The following GEMIN6 variants were observed in gnomAD, a reference collection of about 807,000 sequenced individuals.
GEMIN6 encodes the protein gem nuclear organelle associated protein 6, also known as gem-associated protein 6.
Under a neutral mutation model 14.1 loss-of-function variants are expected in GEMIN6, and 13 were observed. That is an observed-to-expected ratio of 0.92 (90% CI 0.60 to 1.46). The LOEUF (loss-of-function observed/expected upper bound fraction) is 1.46. GEMIN6 is among the 40% of genes most tolerant of loss of function. The pLI, the probability that GEMIN6 is intolerant of heterozygous loss-of-function variation, is 0.00. For synonymous variants in GEMIN6, 87 were observed against 70.0 expected (o/e 1.24, Z -1.21); for missense variants, 271 against 202.4 (o/e 1.34, Z -2.06).
At chr2:38,781,063 G>A (rs1474390209) in intron 2 of GEMIN6, among the ~76,000 whole-genome samples, 1 of 146,450 alleles carries the variant, frequency 6.8e-6, no homozygotes, top group African/African-American at 2.5e-5. Flanking sequence ...CTGCCTCCCA[G>A]GTTCAAGCAA....
In GEMIN6 at chr2:38,784,057, GA is replaced by G. The variant is rs1332753156; in HGVS notation, c.*2168del. On this transcript the variant is annotated 3_prime_UTR_variant, in exon 3 of 3. Transcript: ENST00000281950. ...GCAGTTCAGAAACTTCAGGGGAACA[GA>G]AAGTTCCTCCCTCACGGCTTCAAAG... The G allele has an allele frequency of 5.9e-5, 9 of 152,216 alleles. No homozygotes were observed. Among genetic ancestry groups the G allele is most frequent in the African/African-American group, 1.4e-4 (6 of 41,456 alleles). The allele number at this position is 152,216 out of a possible 1,614,324, so 9.4% of individuals were successfully genotyped here.
rs915877695 is a variant in GEMIN6 at position 38,784,366 on chromosome 2, CCT to C, written c.*2475_*2476del. 3.3e-5 allele frequency: 5 copies of C among 151,812 alleles called. No homozygotes were observed. The highest frequency in any genetic ancestry group is 1.2e-4 in the African/African-American group (5 of 41,276). 9.4% of individuals were successfully genotyped at this position (151,812 alleles called of 1,614,324 possible). ...ACCAACCTGGGCAACATGGTGAAAC[CCT>C]GTCTCTACTAAAAAAAAAAAAAATA... is the stretch of plus-strand genomic sequence containing the variant. On this transcript the variant is annotated 3_prime_UTR_variant, in exon 3 of 3. Coordinates refer to ENST00000281950, the MANE Select transcript of GEMIN6 (RefSeq NM_024775.10).
At chr2:38,781,046 G>A (rs533679828) in intron 2 of GEMIN6, among the ~76,000 whole-genome samples, 2 of 142,338 alleles carry the variant, frequency 1.4e-5, no homozygotes, top group South Asian at 4.5e-4. Context: ...TCGGCTCACT[G>A]CAACCTCTGC....
chr2:38,779,739 A>C (rs1440484358), intron 2 of GEMIN6, among the ~76,000 whole-genome samples: 2 of 120,124 alleles, frequency 1.7e-5, no homozygotes, highest in African/African-American at 6.5e-5. Flanking sequence ...GGAGTGGTGC[A>C]GTTACAATCT....
intron 1 of GEMIN6, 105 bp from the exon 2 acceptor site, chr2:38,778,867 G>C (rs1460486002): frequency 1.1e-6 from 1 of 945,296 alleles, no homozygotes; most frequent in East Asian, 2.6e-5. Context: ...TTACGAACTT[G>C]AGGCAAATCA....
intron 2 of GEMIN6, 33 bp from the exon 3 acceptor site, chr2:38,781,484 G>T (rs1669084144): frequency 6.4e-7 from 1 of 1,564,766 alleles, no homozygotes; most frequent in South Asian, 1.2e-5. Flanking sequence ...TACTTGGGTT[G>T]ATGATGCCTC....
rs922624550 is a variant in GEMIN6 at position 38,782,231 on chromosome 2, C to A, written c.*339C>A. On this transcript the variant is annotated 3_prime_UTR_variant, in exon 3 of 3. Transcript: ENST00000281950. The stretch of plus-strand genomic sequence containing the variant: ...CAATCTCAGCTCAGTGCAACCTCCG[C>A]CTCCCAGGTTCAACCGATTCCCCTG... 4.5e-5 allele frequency: 8 copies of A among 179,042 alleles called. No individual in the cohort carries two copies. The highest frequency in any genetic ancestry group is 1.2e-4 in the African/African-American group (5 of 41,944). 11.1% of individuals were successfully genotyped at this position (179,042 alleles called of 1,614,324 possible). A position where few individuals can be genotyped will look rare whatever the true frequency, so the allele number is the denominator to read the frequency against.
chr2:38,780,396 G>A (rs113223799), intron 2 of GEMIN6, among the ~76,000 whole-genome samples: 6 of 151,464 alleles, frequency 4.0e-5, no homozygotes, highest in Admixed American at 1.3e-4. Flanking sequence ...ATGGAGTCTC[G>A]CTGTGTTGCC....
At chr2:38,779,664 A>ATATAT (rs1462670941) in intron 2 of GEMIN6, among the ~76,000 whole-genome samples, 1 of 20,780 alleles carries the variant, frequency 4.8e-5, no homozygotes, top group Non-Finnish European at 8.0e-5. Context: ...ATATATATAT[A>ATATAT]TTTTTTTTTT....
chr2:38,779,660 ATATATTTTTT>A (rs1219030675), intron 2 of GEMIN6, among the ~76,000 whole-genome samples: 1 of 28,234 alleles, frequency 3.5e-5, no homozygotes, highest in Non-Finnish European at 6.9e-5. Context: ...ATATATATAT[ATATATTTTTT>A]TTTTTTTTTT....
intron 2 of GEMIN6, 86 bp from the exon 3 acceptor site, chr2:38,781,431 T>G: frequency 7.7e-7 from 1 of 1,300,210 alleles, no homozygotes; most frequent in Non-Finnish European, 1.1e-6. Flanking sequence ...GTGACAGGAT[T>G]AATTTCAAAC....
rs1669160329 is a variant in GEMIN6 at position 38,784,471 on chromosome 2, G to A, written c.*2579G>A. On this transcript the variant is annotated 3_prime_UTR_variant, in exon 3 of 3. Transcript: ENST00000281950. ...ACTCGCTTGAATCTGGGAGGTGGAG[G>A]TTGCAGTGAGCCGAGATTGTACGCA... 6.6e-6 allele frequency: 1 copy of A among 151,414 alleles called. No homozygotes were observed. The highest frequency in any genetic ancestry group is 1.5e-5 in the Non-Finnish European group (1 of 67,932). The allele number at this position is 151,414 out of a possible 1,614,324, so 9.4% of individuals were successfully genotyped here.
chr2:38,781,702 G>C lies in GEMIN6; in HGVS notation c.314G>C (p.Ser105Thr), dbSNP rs1416567326. Residue 105 changes from serine (S) to threonine (T), a missense_variant, in exon 3 of 3, where the codon AGC (serine) becomes ACC (threonine). By Grantham distance (58) the Ser-to-Thr change is moderately conservative. Coordinates refer to ENST00000281950, the MANE Select transcript of GEMIN6 (RefSeq NM_024775.10). ...SPEDLEERKN[S>T]LKKWLEKNHI... The stretch of plus-strand genomic sequence containing the variant: ...GAGGATCTGGAAGAGAGAAAGAACA[G>C]CCTAAAGAAATGGCTTGAGAAGAAC... 1.9e-6 allele frequency: 3 copies of C among 1,614,212 alleles called. No homozygotes were observed. Among genetic ancestry groups the C allele is most frequent in the Non-Finnish European group, 2.5e-6 (3 of 1,180,046 alleles).
chr2:38,780,970 C>A (rs62144835), intron 2 of GEMIN6, among the ~76,000 whole-genome samples: 32 of 144,272 alleles, frequency 2.2e-4, no homozygotes, highest in African/African-American at 7.8e-4. Flanking sequence ...GTCTACCCTG[C>A]CTTCTTCTTT....
Position 38,783,777 on chromosome 2 carries a change from G to A in GEMIN6, c.*1885G>A, listed in dbSNP as rs559373100. 1 of 152,066 alleles carries A rather than the reference G, an allele frequency of 6.6e-6. No homozygotes were observed. The highest frequency in any genetic ancestry group is 3.4e-3 in the Middle Eastern group (1 of 294). 9.4% of individuals were successfully genotyped at this position (152,066 alleles called of 1,614,324 possible). On this transcript the variant is annotated 3_prime_UTR_variant, in exon 3 of 3. Transcript: ENST00000281950. ...AAGCATCAGAATCAGCAAATATTTA[G>A]GTTTCAGGGCCTTTGAATACAGTCT...
intron 2 of GEMIN6, among the ~76,000 whole-genome samples, chr2:38,779,636 CTATATATATATATA>C (rs1171290307): frequency 0.019 from 701 of 36,060 alleles, 24 homozygotes; most frequent in Middle Eastern, 0.091. Flanking sequence ...ATTATTCTTA[CTATATATATATATA>C]TATATATATA....
chr2:38,779,090 G>A lies in GEMIN6; in HGVS notation c.100G>A (p.Val34Ile). The change falls in exon 2 of 3, where the codon GTT (valine) becomes ATT (isoleucine). Residue 34 changes from valine (V) to isoleucine (I), a missense_variant. Physicochemically the swap from Val to Ile is conservative, Grantham distance 29. Coordinates refer to ENST00000281950, the MANE Select transcript of GEMIN6 (RefSeq NM_024775.10). ...ASEKNEYKGW[V>I]LTTDPVSANI... ...TGAGAAGAATGAGTATAAAGGATGG[G>A]TTTTAACTACAGACCCAGTCTCTGC... 6.2e-7 allele frequency: 1 copy of A among 1,613,606 alleles called. No individual in the cohort carries two copies.
At position 38,784,933 on chromosome 2, in the gene GEMIN6, T is replaced by A. The variant is rs1363926256; in HGVS notation, c.*3041T>A. 1 of 152,228 alleles carries A rather than the reference T, an allele frequency of 6.6e-6. No homozygotes were observed. The highest frequency in any genetic ancestry group is 1.5e-5 in the Non-Finnish European group (1 of 68,044). The allele number at this position is 152,228 out of a possible 1,614,324, so 9.4% of individuals were successfully genotyped here. Reference sequence around the variant, plus strand: ...GTTGTATTTACTGCCAGTCCTGGGCTGTAGCCAGGGCAGTCTTTGAACACA... The same window carrying A: ...GTTGTATTTACTGCCAGTCCTGGGCAGTAGCCAGGGCAGTCTTTGAACACA... On this transcript the variant is annotated 3_prime_UTR_variant, in exon 3 of 3. Transcript: ENST00000281950.
At chr2:38,781,378 G>T (rs1669081629) in intron 2 of GEMIN6, 139 bp from the exon 3 acceptor site, 2 of 900,260 alleles carry the variant, frequency 2.2e-6, no homozygotes, top group Non-Finnish European at 3.4e-6. Context: ...ACCTATTTAG[G>T]ATCCTTAGTG....
Sources: gnomAD v4.1 joint callset for allele counts (sites outside exome capture counted in the v4.1 genomes callset) on GRCh38, gnomAD v4.1.1 for gene constraint, MANE v1.5 for transcripts, NCBI Gene and HGNC (gene_info 2026-07-23, HGNC 2026-07-21) for gene names.